Variants in RPRD1A observed in about 807,000 individuals in gnomAD.
RPRD1A encodes regulation of nuclear pre-mRNA domain containing 1A, also known as regulation of nuclear pre-mRNA domain-containing protein 1A.
A neutral mutation model predicts 37.8 loss-of-function variants in RPRD1A; 9 were observed. That is an observed-to-expected ratio of 0.24 (90% CI 0.14 to 0.42). RPRD1A has a LOEUF of 0.42. Among genes scored for constraint, RPRD1A ranks in the 10% least tolerant of loss-of-function variants. The pLI is 1.00. For missense variants in RPRD1A, 255 were observed against 371.0 expected, an observed-to-expected ratio of 0.69 and a Z score of 2.57; for synonymous variants, 138 against 139.7, an observed-to-expected ratio of 0.99 and a Z score of 0.08.
rs117775642 is a variant in RPRD1A at position 36,022,553 on chromosome 18, G to T, written c.789+4347C>A. Among the ~76,000 whole-genome samples, 244 of 152,234 alleles carry T rather than the reference G, an allele frequency of 1.6e-3. 5 individuals carry two copies. In the East Asian group the frequency reaches 0.042, roughly 26 times the overall value. On this transcript the variant is annotated intron_variant, in intron 6 of 6. Coordinates refer to ENST00000399022, the MANE Select transcript of RPRD1A (RefSeq NM_018170.5). ...TTCTGAATAATTCTAGAGTCCTTAAGAATTATGCTAAATTTACTCTGCCTG... is the reference window on the plus strand; with the variant it reads ...TTCTGAATAATTCTAGAGTCCTTAATAATTATGCTAAATTTACTCTGCCTG...
At chr18:36,002,970 G>T (rs968489242) in intron 6 of RPRD1A, among the ~76,000 whole-genome samples, 12 of 152,260 alleles carry the variant, frequency 7.9e-5, no homozygotes, top group African/African-American at 2.9e-4. Context: ...CTTGTCACCT[G>T]TAACACATCC....
chr18:36,063,834 C>T (rs898636996), intron 1 of RPRD1A, among the ~76,000 whole-genome samples: 4 of 152,102 alleles, frequency 2.6e-5, no homozygotes, highest in African/African-American at 9.7e-5. Flanking sequence ...GCAGAGTAGC[C>T]CAGGCTAATA....
chr18:35,995,919 A>C (rs1453440157), intron 6 of RPRD1A, among the ~76,000 whole-genome samples: 1 of 152,196 alleles, frequency 6.6e-6, no homozygotes, highest in African/African-American at 2.4e-5. Context: ...AAACATCAGA[A>C]AATCCCAAAT....
chr18:36,019,398 C>T (rs1046916768), intron 6 of RPRD1A, among the ~76,000 whole-genome samples: 8 of 152,024 alleles, frequency 5.3e-5, no homozygotes, highest in African/African-American at 1.7e-4. Flanking sequence ...TGAGCCACCG[C>T]GCCTGGCCCA....
chr18:36,046,951 C>A (rs994218595), intron 1 of RPRD1A, among the ~76,000 whole-genome samples: 18 of 150,684 alleles, frequency 1.2e-4, no homozygotes, highest in Non-Finnish European at 2.5e-4. Flanking sequence ...GGGGAAAAAA[C>A]CATCAACAGA....
intron 6 of RPRD1A, among the ~76,000 whole-genome samples, chr18:36,022,376 A>G (rs576034923): frequency 6.6e-6 from 1 of 152,348 alleles, no homozygotes; most frequent in South Asian, 2.1e-4. Flanking sequence ...CATGTAGAAA[A>G]AAGAGCCTGG....
At chr18:36,049,887 T>TGCCATA (rs1427430639) in intron 1 of RPRD1A, among the ~76,000 whole-genome samples, 3 of 152,198 alleles carry the variant, frequency 2.0e-5, no homozygotes, top group African/African-American at 7.2e-5. Context: ...TTTTAGAAAC[T>TGCCATA]GCCATACAGT....
At chr18:36,058,051 T>C (rs1913915897) in intron 1 of RPRD1A, among the ~76,000 whole-genome samples, 1 of 152,214 alleles carries the variant, frequency 6.6e-6, no homozygotes, top group Non-Finnish European at 1.5e-5. Flanking sequence ...AAGAAACTTC[T>C]TGTATTTTTT....
At chr18:36,020,779 A>G (rs953214615) in intron 6 of RPRD1A, among the ~76,000 whole-genome samples, 3 of 152,056 alleles carry the variant, frequency 2.0e-5, no homozygotes, top group Admixed American at 6.6e-5. Context: ...TTGCCACTGT[A>G]CTCCAGTGTG....
chr18:36,007,662 G>A (rs1461767916), intron 6 of RPRD1A, among the ~76,000 whole-genome samples: 2 of 152,092 alleles, frequency 1.3e-5, no homozygotes, highest in South Asian at 2.1e-4. Context: ...AATTCTGGCC[G>A]GGCACGGTGG....
intron 1 of RPRD1A, among the ~76,000 whole-genome samples, chr18:36,038,378 G>A (rs777186859): frequency 6.6e-6 from 1 of 152,276 alleles, no homozygotes; most frequent in Non-Finnish European, 1.5e-5. Flanking sequence ...TTGCTTCAGA[G>A]GGTGCAAGCC....
At chr18:36,029,930 C>T (rs1186066836) in intron 4 of RPRD1A, among the ~76,000 whole-genome samples, 6 of 151,446 alleles carry the variant, frequency 4.0e-5, no homozygotes, top group Admixed American at 2.0e-4. Context: ...CTCAGCCTCC[C>T]GAGTAGCTGG....
chr18:36,020,152 G>A (rs1271301754), intron 6 of RPRD1A, among the ~76,000 whole-genome samples: 1 of 152,136 alleles, frequency 6.6e-6, no homozygotes, highest in Non-Finnish European at 1.5e-5. Context: ...GAGGAATTCT[G>A]GATATGTTCC....
intron 4 of RPRD1A, 50 bp from the exon 5 acceptor site, chr18:36,027,360 G>A: frequency 1.3e-6 from 2 of 1,592,504 alleles, no homozygotes. Flanking sequence ...TTAAACAAGT[G>A]CAAAAGACTT....
intron 6 of RPRD1A, among the ~76,000 whole-genome samples, chr18:36,017,167 G>A (rs139728699): frequency 3.2e-4 from 48 of 152,106 alleles, no homozygotes; most frequent in African/African-American, 1.1e-3. Flanking sequence ...AAAATTAGTC[G>A]GGAGTCGTGG....
intron 4 of RPRD1A, among the ~76,000 whole-genome samples, chr18:36,028,757 C>T (rs1911555236): frequency 6.6e-6 from 1 of 152,180 alleles, no homozygotes; most frequent in South Asian, 2.1e-4. Context: ...AAGAATAACA[C>T]ACACACAAAA....
intron 6 of RPRD1A, among the ~76,000 whole-genome samples, chr18:36,000,830 T>C (rs1201284776): frequency 1.3e-5 from 2 of 152,232 alleles, no homozygotes; most frequent in African/African-American, 4.8e-5. Flanking sequence ...TAAGATAATC[T>C]GTCTTCAGAG....
rs909675391 is a variant in RPRD1A, at chr18:36,050,645, C to CTA, written c.151+16608_151+16609insTA. 4.3e-4 allele frequency among the ~76,000 whole-genome samples: 65 copies of CTA among 151,914 alleles called. 1 individual carries two copies. The highest frequency in any genetic ancestry group is 1.6e-3 in the African/African-American group (65 of 41,434). On this transcript the variant is annotated intron_variant, in intron 1 of 6. Transcript: ENST00000399022. Reference sequence around the variant, plus strand: ...AATAAGTACATGAAACTATGCTCACCATTATTAGTCATTAGGGAGTAGCTG... The same window carrying CTA: ...AATAAGTACATGAAACTATGCTCACCTAATTATTAGTCATTAGGGAGTAGCTG...
chr18:36,048,252 G>A (rs1207416605), intron 1 of RPRD1A, among the ~76,000 whole-genome samples: 1 of 151,958 alleles, frequency 6.6e-6, no homozygotes, highest in Non-Finnish European at 1.5e-5. Context: ...TTTTAGTAGA[G>A]ACGGGGTTTC....
Sources: gnomAD v4.1 joint callset for allele counts (sites outside exome capture counted in the v4.1 genomes callset) on GRCh38, gnomAD v4.1.1 for gene constraint, MANE v1.5 for transcripts, NCBI Gene and HGNC (gene_info 2026-07-23, HGNC 2026-07-21) for gene names.